CPSF4L: variants seen among roughly 807,000 people sequenced by gnomAD.
The protein encoded by CPSF4L is cleavage and polyadenylation specific factor 4 like, also known as putative cleavage and polyadenylation specificity factor subunit 4-like protein.
CPSF4L carries 18 observed loss-of-function variants against 24.0 expected under a neutral mutation model. The ratio of observed to expected loss-of-function variants is 0.75; its 90% CI spans 0.52 to 1.11. The LOEUF (loss-of-function observed/expected upper bound fraction) is 1.11, where lower values mean the gene tolerates loss of function less well. Among genes scored for constraint, CPSF4L ranks in the 50% least tolerant of loss-of-function variants. CPSF4L has a pLI of 0.00. For missense variants in CPSF4L, 211 were observed against 221.8 expected (o/e 0.95, Z 0.31); for synonymous variants, 72 against 77.2 (o/e 0.93, Z 0.35).
At chr17:73,253,010 A>G (rs1462867362) in intron 4 of CPSF4L, among the ~76,000 whole-genome samples, 1 of 152,024 alleles carries the variant, frequency 6.6e-6, no homozygotes, top group Non-Finnish European at 1.5e-5. Flanking sequence ...GACTGCATGG[A>G]TATGAACCAC....
At position 73,257,738 on chromosome 17, in the gene CPSF4L, A is replaced by G. The variant is rs1403711737; in HGVS notation, c.250T>C (p.Phe84Leu). 21 of 1,551,524 alleles carry G rather than the reference A, an allele frequency of 1.4e-5. No homozygotes were observed. In the Admixed American group the frequency reaches 3.9e-4, roughly 29 times the overall value. ...GLCKKGDHCK[F>L]LHQYDLTRMP... ...CTGGTGAGGTCATACTGGTGCAGGA[A>G]CTTGCAGTGATCACCCTTCTTGCAG... Residue 84 changes from phenylalanine (F) to leucine (L), a missense_variant, in exon 3 of 6, where the codon TTC becomes CTC. By Grantham distance (22) the Phe-to-Leu change is conservative. Coordinates refer to ENST00000344935, the MANE Select transcript of CPSF4L (RefSeq NM_001129885.1).
chr17:73,246,214 G>A (rs951762425), downstream of CPSF4L, among the ~76,000 whole-genome samples: 3 of 152,176 alleles, frequency 2.0e-5, no homozygotes, highest in African/African-American at 7.2e-5. Context: ...CATGAGGTCA[G>A]TTCCTCTTAT....
upstream of CPSF4L, among the ~76,000 whole-genome samples, chr17:73,262,952 G>C: frequency 6.6e-6 from 1 of 151,902 alleles, no homozygotes; most frequent in East Asian, 1.9e-4. Flanking sequence ...AAAGAAAATA[G>C]CTGGAGAGAT....
rs1200469114 is a variant in CPSF4L, at chr17:73,253,880, C to T, written c.403+51G>A. On this transcript the variant is annotated intron_variant, in intron 4 of 5. Coordinates refer to ENST00000344935, the MANE Select transcript of CPSF4L (RefSeq NM_001129885.1). ...AATGGCCCCTCCCCTGCTGAGAGCT[C>T]CCACCCTGATCCCCACAGCCCCTAG... 3 of 1,321,296 alleles carry T rather than the reference C, an allele frequency of 2.3e-6. No homozygotes were observed. The African/African-American group carries it at 4.4e-5, about 19-fold the overall frequency. The allele number at this position is 1,321,296 out of a possible 1,614,324, so 81.8% of individuals were successfully genotyped here. A position where few individuals can be genotyped will look rare whatever the true frequency, so the allele number is the denominator to read the frequency against.
chr17:73,260,842 T>C (rs930407095), intron 2 of CPSF4L, 91 bp downstream of exon 2: 18 of 1,026,774 alleles, frequency 1.8e-5, no homozygotes, highest in Non-Finnish European at 2.6e-5. Flanking sequence ...TTCGACACCC[T>C]ATCCCAGGCC....
downstream of CPSF4L, chr17:73,247,516 C>A: frequency 1.7e-6 from 1 of 586,896 alleles, no homozygotes; most frequent in Non-Finnish European, 3.0e-6. Flanking sequence ...AAAGTAGTAT[C>A]ACTTGTCATA....
At chr17:73,257,307 A>C (rs12603182) in intron 3 of CPSF4L, among the ~76,000 whole-genome samples, 2,425 of 152,206 alleles carry the variant, frequency 0.016, 50 homozygotes, top group East Asian at 0.026. Flanking sequence ...AGGCATCGTG[A>C]ATGTGGCTCT....
chr17:73,244,789 C>T (rs189855141), downstream of CPSF4L: 286 of 168,972 alleles, frequency 1.7e-3, 1 homozygote, highest in African/African-American at 6.5e-3. Context: ...GGTCCGACAG[C>T]AGGAACAAGG....
chr17:73,243,463 G>GT (rs2061888310), downstream of CPSF4L, among the ~76,000 whole-genome samples: 1 of 151,562 alleles, frequency 6.6e-6, no homozygotes, highest in African/African-American at 2.4e-5. Flanking sequence ...AGGCTCCGGG[G>GT]TTTTATTAGA....
At chr17:73,242,218 A>T in the CPSF4L span, 2 of 1,477,198 alleles carry the variant, frequency 1.4e-6, no homozygotes, top group Non-Finnish European at 1.9e-6. Flanking sequence ...GTAAACAATG[A>T]CAGTGACTTC....
chr17:73,247,273 A>G (rs755071837), downstream of CPSF4L: 3 of 1,614,084 alleles, frequency 1.9e-6, no homozygotes, highest in South Asian at 1.1e-5. Context: ...CTGGAAGAGC[A>G]CAGTACCTCC....
chr17:73,261,815 G>C lies in CPSF4L; in HGVS notation c.4C>G (p.Gln2Glu). The C allele has an allele frequency of 1.3e-6, 2 of 1,551,272 alleles. No homozygotes were observed. Among genetic ancestry groups the C allele is most frequent in the Non-Finnish European group, 1.7e-6 (2 of 1,146,620 alleles). Residue 2 changes from glutamine (Q) to glutamate (E), a missense_variant, in exon 1 of 6, where the codon CAA becomes GAA. Transcript: ENST00000344935. The part of the protein sequence containing the change: M[Q>E]EVIAGLERFT... ...CGCTCTAGCCCCGCAATGACCTCTT[G>C]CATCTTCCGTCTCCTGCTGGGGCTG...
At chr17:73,246,906 T>C (rs1316395141), downstream of CPSF4L, among the ~76,000 whole-genome samples, 1 of 152,168 alleles carries the variant, frequency 6.6e-6, no homozygotes, top group Non-Finnish European at 1.5e-5. Context: ...TTAGGAGAGA[T>C]GCTTAAGGAT....
the CPSF4L span, chr17:73,242,303 A>T: frequency 1.2e-5 from 19 of 1,605,750 alleles, no homozygotes; most frequent in Admixed American, 3.1e-4. Flanking sequence ...TGCCGGACTT[A>T]CAACCTCCAA....
Position 73,261,773 on chromosome 17 carries a change from C to T in CPSF4L, c.46G>A (p.Glu16Lys), listed in dbSNP as rs777056080. 41 of 1,551,696 alleles carry T rather than the reference C, an allele frequency of 2.6e-5. No individual in the cohort carries two copies. Among genetic ancestry groups the T allele is most frequent in the Middle Eastern group, 1.7e-4 (1 of 6,014 alleles). Reference protein sequence around the residue: ...AGLERFTFAFEKDVEMQKGTG... With the variant: ...AGLERFTFAFKKDVEMQKGTG... The stretch of plus-strand genomic sequence containing the variant: ...CCCTTCTGCATCTCGACATCCTTCT[C>T]GAAGGCAAAGGTGAACCGCTCTAGC... The change falls in exon 1 of 6, where the codon GAG becomes AAG. Residue 16 changes from glutamate (E) to lysine (K), a missense_variant. Transcript: ENST00000344935.
rs547083233 is a variant in CPSF4L, at chr17:73,258,357, G to C, written c.155-524C>G. Among the ~76,000 whole-genome samples the C allele has an allele frequency of 1.2e-4, 18 of 152,130 alleles. No homozygotes were observed. In the South Asian group the frequency reaches 3.7e-3, roughly 32 times the overall value. On this transcript the variant is annotated intron_variant, in intron 2 of 5. Transcript: ENST00000344935. ...GTCTCGCTCTGTTGCCCATGCTAGA[G>C]AGCAATGGCACGGTCTCAGCTCACT...
At chr17:73,247,364 G>C (rs769510605), downstream of CPSF4L, 5 of 1,613,304 alleles carry the variant, frequency 3.1e-6, no homozygotes, top group Non-Finnish European at 2.5e-6. Flanking sequence ...AGTAGGAGAA[G>C]CCTTCGTGAC....
At chr17:73,248,365 A>G, downstream of CPSF4L, 1 of 850,314 alleles carries the variant, frequency 1.2e-6, no homozygotes, top group Non-Finnish European at 1.9e-6. Context: ...AACGTCTCTA[A>G]CATGATTTAC....
the CPSF4L span, chr17:73,243,215 C>G: frequency 5.9e-5 from 33 of 557,218 alleles, no homozygotes; most frequent in East Asian, 5.1e-4. Flanking sequence ...AGTGCAATGG[C>G]ACGATCTCAG....
Sources: allele counts gnomAD v4.1 joint callset (sites outside exome capture counted in the v4.1 genomes callset), GRCh38; gene constraint gnomAD v4.1.1; transcripts MANE v1.5; gene names NCBI Gene and HGNC (gene_info 2026-07-23, HGNC 2026-07-21).